COL4A2: variants seen among roughly 807,000 people sequenced by gnomAD.
COL4A2 encodes collagen type IV alpha 2 chain, also known as collagen alpha-2(IV) chain.
In COL4A2, 99 loss-of-function variants were observed where a neutral mutation model predicts 200.2. The observed-to-expected ratio is 0.49, with a 90% CI of 0.42 to 0.58. The LOEUF is 0.58. COL4A2 is among the 20% of genes least tolerant of loss of function. The pLI is 0.00. For missense variants in COL4A2, 1,950 were observed against 2,314.1 expected, an observed-to-expected ratio of 0.84 and a Z score of 3.23; for synonymous variants, 897 against 900.6, an observed-to-expected ratio of 1.00 and a Z score of 0.07.
In COL4A2 at chr13:110,408,841, G is replaced by A. The variant is rs1218556030; in HGVS notation, c.181-15893G>A. The stretch of plus-strand genomic sequence containing the variant: ...CACACACATGCACACACACATACAC[G>A]CACACATATACACACATACACGCAC... On this transcript the variant is annotated intron_variant, in intron 4 of 47. Transcript: ENST00000360467. Among the ~76,000 whole-genome samples, 3 of 63,538 alleles carry A rather than the reference G, an allele frequency of 4.7e-5. 1 individual carries two copies. Among genetic ancestry groups the A allele is most frequent in the Non-Finnish European group, 9.9e-5 (3 of 30,218 alleles). 41.7% of individuals were successfully genotyped at this position (63,538 alleles called of 152,430 possible).
At chr13:110,493,535 G>A (rs537791265) in intron 39 of COL4A2, among the ~76,000 whole-genome samples, 1 of 152,286 alleles carries the variant, frequency 6.6e-6, no homozygotes, top group African/African-American at 2.4e-5. Context: ...GCTTTTAGAC[G>A]GAGAGAGAAA....
Position 110,461,513 on chromosome 13 carries a change from C to CTTAT in COL4A2, c.1597-582_1597-579dup, listed in dbSNP as rs778029943. 7.9e-5 allele frequency among the ~76,000 whole-genome samples: 12 copies of CTTAT among 152,288 alleles called. No individual in the cohort carries two copies. The South Asian group carries it at 8.3e-4, about 11-fold the overall frequency. On this transcript the variant is annotated intron_variant, in intron 22 of 47. Transcript: ENST00000360467. The stretch of plus-strand genomic sequence containing the variant: ...GGCTACTTCCACTGCATTGTATTTA[C>CTTAT]TTATTTATTTATTTATTTATTTTTG...
At chr13:110,465,705 C>A in intron 25 of COL4A2, 99 bp downstream of exon 25, 1 of 1,132,700 alleles carries the variant, frequency 8.8e-7, no homozygotes, top group Non-Finnish European at 1.2e-6. Context: ...GATGAGGATG[C>A]TGTTTTGCCT....
At chr13:110,308,990 G>C (rs1447906639) in intron 3 of COL4A2, among the ~76,000 whole-genome samples, 1 of 152,204 alleles carries the variant, frequency 6.6e-6, no homozygotes, top group African/African-American at 2.4e-5. Context: ...GGCCGATGGA[G>C]TAGCCCTGCC....
intron 3 of COL4A2, among the ~76,000 whole-genome samples, chr13:110,311,125 C>G (rs952209081): frequency 6.6e-6 from 1 of 152,080 alleles, no homozygotes; most frequent in Non-Finnish European, 1.5e-5. Flanking sequence ...GAAGGAGGCT[C>G]TCCCCCTCCT....
intron 28 of COL4A2, among the ~76,000 whole-genome samples, chr13:110,472,260 C>T (rs76796058): frequency 7.6e-5 from 6 of 79,304 alleles, no homozygotes; most frequent in Non-Finnish European, 2.0e-4. Context: ...GGACTACAGG[C>T]ATCCGCCACC....
At chr13:110,398,691 AAAAAAGAAAGAAAG>A (rs1020553875) in intron 4 of COL4A2, among the ~76,000 whole-genome samples, 4 of 152,090 alleles carry the variant, frequency 2.6e-5, no homozygotes, top group African/African-American at 4.8e-5. Context: ...AGACTCTGTC[AAAAAAGAAAGAAAG>A]AAAAAGAAAG....
At chr13:110,310,411 G>A (rs888831235) in intron 3 of COL4A2, among the ~76,000 whole-genome samples, 3 of 152,236 alleles carry the variant, frequency 2.0e-5, no homozygotes, top group Non-Finnish European at 4.4e-5. Flanking sequence ...TTGAGAGGCA[G>A]TTGAGATTAC....
At chr13:110,456,742 G>T (rs1881747373) in intron 20 of COL4A2, 1 of 473,112 alleles carries the variant, frequency 2.1e-6, no homozygotes. Flanking sequence ...CCTGTGTCTG[G>T]GGGGACCCTG....
At chr13:110,510,667 C>T (rs1470302891) in intron 47 of COL4A2, among the ~76,000 whole-genome samples, 1 of 152,168 alleles carries the variant, frequency 6.6e-6, no homozygotes, top group Non-Finnish European at 1.5e-5. Context: ...CATGAGTGTA[C>T]ACCATGTGTG....
At position 110,438,078 on chromosome 13, in the gene COL4A2, T is replaced by A. The variant is rs377757896; in HGVS notation, c.861+41T>A. The A allele has an allele frequency of 8.8e-6, 14 of 1,586,330 alleles. No homozygotes were observed. In the South Asian group the frequency reaches 1.2e-4, roughly 14 times the overall value. On this transcript the variant is annotated intron_variant, in intron 14 of 47. Transcript: ENST00000360467. ...AGCATGCCCCCTCCCCTGTGGCTCC[T>A]GGGCTGTCGGCGCTCTGCCAGGCAT...
At chr13:110,435,630 G>GA (rs1408669705) in intron 12 of COL4A2, among the ~76,000 whole-genome samples, 2 of 152,158 alleles carry the variant, frequency 1.3e-5, no homozygotes, top group African/African-American at 4.8e-5. Context: ...GGAAAGAAAG[G>GA]AAAAGACAAT....
chr13:110,325,224 T>C (rs907216086), intron 3 of COL4A2, among the ~76,000 whole-genome samples: 2 of 152,206 alleles, frequency 1.3e-5, no homozygotes, highest in Non-Finnish European at 2.9e-5. Flanking sequence ...TTAGAACCAA[T>C]GATCAGAAAC....
intron 3 of COL4A2, among the ~76,000 whole-genome samples, chr13:110,344,078 G>A (rs559813189): frequency 8.6e-5 from 13 of 151,928 alleles, no homozygotes; most frequent in East Asian, 1.9e-4. Context: ...ATGATGTCTC[G>A]GTGAACTCTC....
intron 3 of COL4A2, among the ~76,000 whole-genome samples, chr13:110,324,796 G>T (rs923798071): frequency 3.2e-4 from 49 of 152,286 alleles, no homozygotes; most frequent in Admixed American, 7.2e-4. Context: ...GGGGCCTCCC[G>T]GCCCCTGGAA....
chr13:110,488,276 C>T (rs966985293), intron 34 of COL4A2, among the ~76,000 whole-genome samples: 3 of 152,224 alleles, frequency 2.0e-5, no homozygotes, highest in Non-Finnish European at 4.4e-5. Flanking sequence ...CCACCCACCT[C>T]GGCCTCCCAA....
chr13:110,457,455 A>T lies in COL4A2; in HGVS notation c.1432+20A>T. On this transcript the variant is annotated intron_variant, in intron 21 of 47. Transcript: ENST00000360467. ...GGAAAGGTAAGAACATCTGGGAGGGACGGGATGAGGACAGCCTGGCCTTTC... is the reference window on the plus strand; with the variant it reads ...GGAAAGGTAAGAACATCTGGGAGGGTCGGGATGAGGACAGCCTGGCCTTTC... 1.4e-6 allele frequency: 2 copies of T among 1,423,416 alleles called. No individual in the cohort carries two copies. Among genetic ancestry groups the T allele is most frequent in the Non-Finnish European group, 2.0e-6 (2 of 1,006,106 alleles). The allele number at this position is 1,423,416 out of a possible 1,614,324, so 88.2% of individuals were successfully genotyped here.
chr13:110,438,199 T>G (rs1880972739), intron 14 of COL4A2, among the ~76,000 whole-genome samples, 162 bp downstream of exon 14: 1 of 152,216 alleles, frequency 6.6e-6, no homozygotes, highest in Non-Finnish European at 1.5e-5. Flanking sequence ...TTACACTGTA[T>G]TTTAAGAAGT....
At chr13:110,498,707 T>C (rs1042014298) in intron 40 of COL4A2, among the ~76,000 whole-genome samples, 1 of 152,178 alleles carries the variant, frequency 6.6e-6, no homozygotes, top group African/African-American at 2.4e-5. Flanking sequence ...ATTGTGAAAT[T>C]GTAGGATAAT....
Sources: allele counts gnomAD v4.1 joint callset (sites outside exome capture counted in the v4.1 genomes callset), GRCh38; gene constraint gnomAD v4.1.1; transcripts MANE v1.5; gene names NCBI Gene and HGNC (gene_info 2026-07-23, HGNC 2026-07-21).